Variants in ANKRD55 observed in about 807,000 individuals in gnomAD.
The protein encoded by ANKRD55 is ankyrin repeat domain-containing protein 55.
Under a neutral mutation model 60.6 loss-of-function variants are expected in ANKRD55, and 41 were observed. The observed-to-expected ratio is 0.68, with a 90% confidence interval of 0.53 to 0.88. ANKRD55 has a LOEUF of 0.88. ANKRD55 is among the 40% of genes least tolerant of loss of function. The pLI, the probability that ANKRD55 is intolerant of heterozygous loss-of-function variation, is 0.00. For missense variants in ANKRD55, 732 were observed against 767.6 expected (o/e 0.95, Z 0.55); for synonymous variants, 264 against 290.3 (o/e 0.91, Z 0.92).
At chr5:56,218,674 T>C (rs1002642739) in intron 2 of ANKRD55, among the ~76,000 whole-genome samples, 1 of 152,242 alleles carries the variant, frequency 6.6e-6, no homozygotes, top group Non-Finnish European at 1.5e-5. Context: ...ATATTCACTT[T>C]GTTGCAGTGG....
chr5:56,111,509 A>G lies in ANKRD55; in HGVS notation c.1239T>C (p.Asn413=). 6.2e-7 allele frequency: 1 copy of G among 1,614,044 alleles called. No individual in the cohort carries two copies. Among genetic ancestry groups the G allele is most frequent in the Non-Finnish European group, 8.5e-7 (1 of 1,180,012 alleles). Reference sequence around the variant, plus strand: ...TCTTTTCTGGTAAGAGATATTTTGAATTGTCTGAGGTTTTCTTCTTAAATT... The same window carrying G: ...TCTTTTCTGGTAAGAGATATTTTGAGTTGTCTGAGGTTTTCTTCTTAAATT... The part of the protein sequence containing the change: ...MVEFKKKTSD[N]SKYLLPEKKP... Residue 413 remains asparagine (N), a synonymous_variant, in exon 10 of 12, where the codon AAT becomes AAC. Transcript: ENST00000341048.
chr5:56,183,143 GT>G (rs1296377215), intron 3 of ANKRD55, among the ~76,000 whole-genome samples: 4 of 152,124 alleles, frequency 2.6e-5, no homozygotes, highest in African/African-American at 9.7e-5. Context: ...AACGTCCAGG[GT>G]TTTTAGTTGC....
chr5:56,124,464 A>G (rs931932355), intron 8 of ANKRD55, among the ~76,000 whole-genome samples: 3 of 152,224 alleles, frequency 2.0e-5, no homozygotes, highest in Non-Finnish European at 4.4e-5. Flanking sequence ...CTTAAAGCAC[A>G]TAAACCTGTG....
chr5:56,183,448 C>T, intron 3 of ANKRD55, 64 bp downstream of exon 3: 4 of 1,596,966 alleles, frequency 2.5e-6, no homozygotes, highest in Non-Finnish European at 3.4e-6. Flanking sequence ...TTGCTCATGT[C>T]TGAAGGCCAT....
intron 10 of ANKRD55, among the ~76,000 whole-genome samples, chr5:56,103,588 C>T (rs374553779): frequency 5.9e-5 from 9 of 152,086 alleles, no homozygotes; most frequent in East Asian, 1.9e-4. Flanking sequence ...AATGATATTA[C>T]CTCTCAACAC....
intron 5 of ANKRD55, among the ~76,000 whole-genome samples, chr5:56,165,192 T>G (rs1309080031): frequency 1.3e-5 from 2 of 152,194 alleles, no homozygotes; most frequent in Non-Finnish European, 2.9e-5. Flanking sequence ...ATACTGTTTA[T>G]GATTAGGGGA....
chr5:56,151,922 T>A (rs1758062888), intron 6 of ANKRD55, among the ~76,000 whole-genome samples: 1 of 131,988 alleles, frequency 7.6e-6, no homozygotes, highest in Non-Finnish European at 1.7e-5. Flanking sequence ...TACACATATA[T>A]GTATATATGT....
intron 6 of ANKRD55, among the ~76,000 whole-genome samples, chr5:56,156,143 G>A (rs1758189962): frequency 6.6e-6 from 1 of 152,138 alleles, no homozygotes; most frequent in Non-Finnish European, 1.5e-5. Flanking sequence ...AAAAACACAG[G>A]CAAGCATTAG....
intron 2 of ANKRD55, among the ~76,000 whole-genome samples, chr5:56,232,584 C>T (rs1369649104): frequency 6.6e-6 from 1 of 152,106 alleles, no homozygotes; most frequent in Non-Finnish European, 1.5e-5. Flanking sequence ...GGTAGGAATA[C>T]TTCAACAAGA....
intron 2 of ANKRD55, among the ~76,000 whole-genome samples, chr5:56,215,713 G>C (rs2111880753): frequency 6.6e-6 from 1 of 152,294 alleles, no homozygotes; most frequent in African/African-American, 2.4e-5. Flanking sequence ...GTGTCCTTGG[G>C]CAAGTTATGT....
At chr5:56,213,088 T>C (rs1430521396) in intron 2 of ANKRD55, among the ~76,000 whole-genome samples, 1 of 152,168 alleles carries the variant, frequency 6.6e-6, no homozygotes, top group African/African-American at 2.4e-5. Context: ...AAAAGTTGGA[T>C]TTATGGAAAT....
intron 2 of ANKRD55, among the ~76,000 whole-genome samples, chr5:56,232,379 C>G (rs1760278033): frequency 6.6e-6 from 1 of 152,074 alleles, no homozygotes; most frequent in Non-Finnish European, 1.5e-5. Flanking sequence ...CAGGCAACAT[C>G]TATTCCTGAA....
At chr5:56,226,545 C>G (rs888804966) in intron 2 of ANKRD55, among the ~76,000 whole-genome samples, 3 of 152,004 alleles carry the variant, frequency 2.0e-5, no homozygotes, top group South Asian at 2.1e-4. Flanking sequence ...TCAGAGTGAA[C>G]AGGCAACCTG....
At chr5:56,164,482 G>T (rs1010137950) in intron 5 of ANKRD55, among the ~76,000 whole-genome samples, 39 of 152,182 alleles carry the variant, frequency 2.6e-4, no homozygotes, top group African/African-American at 8.7e-4. Context: ...TTGGGCTGCA[G>T]TCAAGAGTGA....
intron 2 of ANKRD55, among the ~76,000 whole-genome samples, chr5:56,232,359 G>A (rs1469945663): frequency 3.3e-5 from 5 of 151,948 alleles, no homozygotes; most frequent in South Asian, 2.1e-4. Flanking sequence ...ATATCAACCC[G>A]ACATAAATAC....
chr5:56,162,452 A>T (rs939064213), intron 5 of ANKRD55, among the ~76,000 whole-genome samples: 5 of 152,110 alleles, frequency 3.3e-5, no homozygotes, highest in Non-Finnish European at 5.9e-5. Context: ...CCTTTCTGGC[A>T]ATAATTGTAT....
chr5:56,139,856 G>A (rs1757708580), intron 7 of ANKRD55, among the ~76,000 whole-genome samples: 1 of 152,056 alleles, frequency 6.6e-6, no homozygotes, highest in Non-Finnish European at 1.5e-5. Flanking sequence ...AGGATCTCTT[G>A]AGTCCAGGAG....
intron 3 of ANKRD55, among the ~76,000 whole-genome samples, chr5:56,181,773 A>G (rs1174057351): frequency 6.6e-6 from 1 of 152,198 alleles, no homozygotes; most frequent in Non-Finnish European, 1.5e-5. Flanking sequence ...TATTTTTAGT[A>G]GAGACGGGGT....
intron 9 of ANKRD55, among the ~76,000 whole-genome samples, chr5:56,115,245 C>T (rs1047974142): frequency 1.3e-5 from 2 of 150,334 alleles, no homozygotes; most frequent in Non-Finnish European, 3.0e-5. Context: ...AATAAGCAAA[C>T]CCCCAAACCA....
Sources: gnomAD v4.1 joint callset for allele counts (sites outside exome capture counted in the v4.1 genomes callset) on GRCh38, gnomAD v4.1.1 for gene constraint, MANE v1.5 for transcripts, NCBI Gene and HGNC (gene_info 2026-07-23, HGNC 2026-07-21) for gene names.